Variants in SEZ6L observed in about 807,000 individuals in gnomAD.
The protein encoded by SEZ6L is seizure related 6 homolog like.
Under a neutral mutation model 106.2 loss-of-function variants are expected in SEZ6L, and 37 were observed. That is an observed-to-expected ratio of 0.35 (90% CI 0.27 to 0.46). The LOEUF is 0.46. SEZ6L is among the 20% of genes least tolerant of loss of function. The pLI is 1.00. For synonymous variants in SEZ6L, 541 were observed against 570.4 expected (o/e 0.95, Z 0.73); for missense variants, 1,172 against 1,332.8 (o/e 0.88, Z 1.88).
intron 1 of SEZ6L, among the ~76,000 whole-genome samples, chr22:26,228,386 TA>T (rs1415268638): frequency 6.6e-6 from 1 of 152,074 alleles, no homozygotes; most frequent in East Asian, 1.9e-4. Flanking sequence ...GATGGGAAGA[TA>T]AGGCTACAAT....
intron 1 of SEZ6L, among the ~76,000 whole-genome samples, chr22:26,238,757 T>C (rs528779377): frequency 6.6e-6 from 1 of 152,322 alleles, no homozygotes; most frequent in East Asian, 1.9e-4. Flanking sequence ...GGCATGGAAA[T>C]CGTTAGTCAC....
chr22:26,349,388 G>A (rs1440074858), intron 11 of SEZ6L, among the ~76,000 whole-genome samples: 2 of 152,214 alleles, frequency 1.3e-5, no homozygotes, highest in Admixed American at 1.3e-4. Context: ...TACCCAGGCA[G>A]TAGTAAAATG....
At position 26,200,479 on chromosome 22, in the gene SEZ6L, G is replaced by A. The variant is rs1249694345; in HGVS notation, c.94+30716G>A. On this transcript the variant is annotated intron_variant, in intron 1 of 16. Coordinates refer to ENST00000248933, the MANE Select transcript of SEZ6L (RefSeq NM_021115.5). ...CTCAAGTTAGTGGACAGGACTTGTG[G>A]AATCCCCACCAGCCACCTCCTTCCC... Among the ~76,000 whole-genome samples, 5 of 152,148 alleles carry A rather than the reference G, an allele frequency of 3.3e-5. No individual in the cohort carries two copies. The East Asian group carries it at 9.6e-4, about 29-fold the overall frequency.
chr22:26,227,406 A>G (rs1326941660), intron 1 of SEZ6L, among the ~76,000 whole-genome samples: 3 of 152,102 alleles, frequency 2.0e-5, no homozygotes, highest in Non-Finnish European at 4.4e-5. Context: ...GTAACATAAT[A>G]GGGCTTTGTT....
intron 11 of SEZ6L, among the ~76,000 whole-genome samples, chr22:26,350,038 T>C (rs1022392621): frequency 3.9e-5 from 6 of 152,106 alleles, no homozygotes; most frequent in African/African-American, 1.4e-4. Context: ...ATGGGATGGC[T>C]ATTCCATGAT....
At chr22:26,208,603 A>G (rs1941411498) in intron 1 of SEZ6L, among the ~76,000 whole-genome samples, 1 of 152,194 alleles carries the variant, frequency 6.6e-6, no homozygotes, top group Non-Finnish European at 1.5e-5. Context: ...AGTTTCAAAT[A>G]CATCCTGTAT....
At chr22:26,346,677 G>A (rs1390737116) in intron 10 of SEZ6L, among the ~76,000 whole-genome samples, 2 of 152,160 alleles carry the variant, frequency 1.3e-5, no homozygotes, top group East Asian at 3.9e-4. Context: ...ACATGTGGCT[G>A]GCAAGTCAAT....
At chr22:26,332,592 A>G (rs1298267983) in intron 9 of SEZ6L, among the ~76,000 whole-genome samples, 1 of 152,016 alleles carries the variant, frequency 6.6e-6, no homozygotes, top group Non-Finnish European at 1.5e-5. Context: ...GACCACAGGC[A>G]TGTGCCACCG....
chr22:26,362,142 A>C (rs2083656671), intron 12 of SEZ6L, among the ~76,000 whole-genome samples: 1 of 152,204 alleles, frequency 6.6e-6, no homozygotes, highest in African/African-American at 2.4e-5. Flanking sequence ...CAGCCCTCTT[A>C]GGTCTCATCC....
intron 9 of SEZ6L, among the ~76,000 whole-genome samples, chr22:26,329,160 G>A (rs636789): frequency 0.4 from 59,968 of 151,550 alleles, 12,518 homozygotes; most frequent in African/African-American, 0.48. Flanking sequence ...GAAGAGAGAA[G>A]GAACAAAGAA....
intron 1 of SEZ6L, among the ~76,000 whole-genome samples, chr22:26,233,304 T>A (rs2078857330): frequency 6.6e-6 from 1 of 152,222 alleles, no homozygotes; most frequent in African/African-American, 2.4e-5. Flanking sequence ...CTTCATCCTG[T>A]CATGGGTGGC....
At chr22:26,209,414 T>C (rs189871197) in intron 1 of SEZ6L, among the ~76,000 whole-genome samples, 199 of 152,246 alleles carry the variant, frequency 1.3e-3, no homozygotes, top group African/African-American at 4.5e-3. Flanking sequence ...ATTGATTTAG[T>C]TGGGCTCTAG....
intron 9 of SEZ6L, among the ~76,000 whole-genome samples, chr22:26,339,013 T>C (rs2145985759): frequency 6.6e-6 from 1 of 151,982 alleles, no homozygotes; most frequent in East Asian, 1.9e-4. Context: ...CTCCCTACTC[T>C]GTGTTTATCT....
chr22:26,294,472 A>T (rs1388339290), intron 3 of SEZ6L, 47 bp downstream of exon 3: 1 of 1,590,688 alleles, frequency 6.3e-7, no homozygotes, highest in South Asian at 1.1e-5. Flanking sequence ...TCTAGCAGGA[A>T]GTCTCAGGAG....
intron 10 of SEZ6L, among the ~76,000 whole-genome samples, chr22:26,343,642 A>G (rs747629535): frequency 5.3e-5 from 8 of 152,230 alleles, no homozygotes; most frequent in Non-Finnish European, 2.9e-5. Context: ...CCCTTAAGAC[A>G]TTAGTGGAAA....
In SEZ6L at chr22:26,294,332, T is replaced by A; in HGVS notation, c.876T>A (p.Ile292=). Residue 292 remains isoleucine (I), a synonymous_variant, in exon 3 of 17, where the codon ATT becomes ATA. Coordinates refer to ENST00000248933, the MANE Select transcript of SEZ6L (RefSeq NM_021115.5). ...GCTTCTCCAATCCTGAGGGGTACAT[T>A]GACTCCAGCGACTACCCACTGCTGC... ...SVSFSNPEGY[I]DSSDYPLLPL... is the part of the protein sequence containing the mutation. 1.2e-6 allele frequency: 2 copies of A among 1,614,060 alleles called. No individual in the cohort carries two copies.
At chr22:26,318,471 C>A (rs961665519) in intron 9 of SEZ6L, among the ~76,000 whole-genome samples, 1 of 151,570 alleles carries the variant, frequency 6.6e-6, no homozygotes, top group Non-Finnish European at 1.5e-5. Flanking sequence ...GCAACCCTTG[C>A]AAATGATTAA....
At chr22:26,343,495 A>G (rs971328501) in intron 10 of SEZ6L, among the ~76,000 whole-genome samples, 2 of 152,188 alleles carry the variant, frequency 1.3e-5, no homozygotes, top group Non-Finnish European at 2.9e-5. Context: ...GCACTTTAAC[A>G]TATATTATTT....
intron 10 of SEZ6L, among the ~76,000 whole-genome samples, chr22:26,341,024 A>G (rs2082816434): frequency 6.6e-6 from 1 of 151,170 alleles, no homozygotes; most frequent in Admixed American, 6.6e-5. Flanking sequence ...CTGAGATCTT[A>G]CATCAACATA....
Sources: allele counts gnomAD v4.1 joint callset (sites outside exome capture counted in the v4.1 genomes callset), GRCh38; gene constraint gnomAD v4.1.1; transcripts MANE v1.5; gene names NCBI Gene and HGNC (gene_info 2026-07-23, HGNC 2026-07-21).